PALM2AKAP2: variants seen among roughly 807,000 people sequenced by gnomAD.
PALM2AKAP2 encodes PALM2-AKAP2 fusion protein.
Under a neutral mutation model 71.5 loss-of-function variants are expected in PALM2AKAP2, and 37 were observed. That is an observed-to-expected ratio of 0.52 (90% CI 0.40 to 0.68). The LOEUF is 0.68. PALM2AKAP2 is among the 30% of genes least tolerant of loss of function. The probability of loss-of-function intolerance (pLI) is 0.00; values close to 1 mark genes in which losing one functional copy is unlikely to be tolerated. For missense variants in PALM2AKAP2, 1,224 were observed against 1,191.8 expected (o/e 1.03, Z -0.40); for synonymous variants, 468 against 478.8 (o/e 0.98, Z 0.29).
intron 1 of PALM2AKAP2, among the ~76,000 whole-genome samples, chr9:109,837,252 T>G (rs1236933856): frequency 6.6e-6 from 1 of 152,164 alleles, no homozygotes; most frequent in Admixed American, 6.5e-5. Flanking sequence ...GAATTTTCAA[T>G]GCAGAATTTC....
At chr9:109,967,725 G>A (rs1403410271) in intron 6 of PALM2AKAP2, among the ~76,000 whole-genome samples, 1 of 152,192 alleles carries the variant, frequency 6.6e-6, no homozygotes, top group Non-Finnish European at 1.5e-5. Flanking sequence ...TCCATGTCTT[G>A]AAGGGAGAAG....
rs146910066 is a variant in PALM2AKAP2 at position 109,782,699 on chromosome 9, C to T, written c.45+2166C>T. ...ATTCTCTGAGGATACTGAGGGATGA[C>T]TGTATGATGTTGTCAGGACAGATTT... On this transcript the variant is annotated intron_variant, in intron 1 of 9. Transcript: ENST00000302798. Among the ~76,000 whole-genome samples, 57 of 151,508 alleles carry T rather than the reference C, an allele frequency of 3.8e-4. No individual in the cohort carries two copies. The East Asian group carries it at 0.011, about 29-fold the overall frequency.
chr9:110,162,862 C>G (rs1481747592), intron 3 of PALM2AKAP2, among the ~76,000 whole-genome samples: 4 of 151,848 alleles, frequency 2.6e-5, no homozygotes, highest in Non-Finnish European at 5.9e-5. Context: ...GCCACTATGC[C>G]CAGCTAATTT....
chr9:110,110,586 A>T (rs577642595), intron 1 of PALM2AKAP2, among the ~76,000 whole-genome samples: 1 of 128,912 alleles, frequency 7.8e-6, no homozygotes, highest in African/African-American at 3.0e-5. Flanking sequence ...TCTCACTATC[A>T]TCCAACCTGG....
chr9:109,896,994 A>G (rs960349507), intron 3 of PALM2AKAP2, among the ~76,000 whole-genome samples: 11 of 152,170 alleles, frequency 7.2e-5, no homozygotes, highest in Admixed American at 4.6e-4. Flanking sequence ...CTTTTTAGAT[A>G]TGAATCCCAT....
chr9:109,652,478 T>C (rs75903018), intron 1 of PALM2AKAP2, among the ~76,000 whole-genome samples: 6,243 of 152,342 alleles, frequency 0.041, 157 homozygotes, highest in Middle Eastern at 0.071. Flanking sequence ...GCTGGTGTTA[T>C]GCTTCTTGAA....
intron 6 of PALM2AKAP2, among the ~76,000 whole-genome samples, chr9:109,987,847 A>G (rs923218101): frequency 6.6e-6 from 1 of 152,252 alleles, no homozygotes; most frequent in Admixed American, 6.5e-5. Flanking sequence ...CACAGATATG[A>G]CAATGTTCAG....
At chr9:109,826,947 G>A (rs1274025997) in intron 1 of PALM2AKAP2, among the ~76,000 whole-genome samples, 1 of 152,118 alleles carries the variant, frequency 6.6e-6, no homozygotes, top group Non-Finnish European at 1.5e-5. Flanking sequence ...ATTATGAAAT[G>A]AGATAAAAAT....
At chr9:110,123,042 T>A (rs1354147371) in intron 1 of PALM2AKAP2, among the ~76,000 whole-genome samples, 1 of 152,238 alleles carries the variant, frequency 6.6e-6, no homozygotes, top group East Asian at 1.9e-4. Context: ...AGTACCTAAC[T>A]GTGACTTTGC....
At chr9:109,753,227 C>A (rs1015142132) in intron 1 of PALM2AKAP2, among the ~76,000 whole-genome samples, 2 of 152,106 alleles carry the variant, frequency 1.3e-5, no homozygotes, top group Non-Finnish European at 2.9e-5. Context: ...GAAGTTCCCA[C>A]CCAAGTTGAG....
chr9:110,123,654 T>C (rs1700299823), intron 1 of PALM2AKAP2, among the ~76,000 whole-genome samples: 1 of 152,224 alleles, frequency 6.6e-6, no homozygotes, highest in South Asian at 2.1e-4. Context: ...AGACACCAGG[T>C]CATTTGCAAA....
intron 1 of PALM2AKAP2, among the ~76,000 whole-genome samples, chr9:109,688,320 G>A (rs1827831809): frequency 6.6e-6 from 1 of 152,198 alleles, no homozygotes; most frequent in South Asian, 2.1e-4. Flanking sequence ...TATGTATCTT[G>A]TTGCAAATGA....
rs750861903 is a variant in PALM2AKAP2, at chr9:109,661,235, GC to G, written c.5+20372del. On this transcript the variant is annotated intron_variant, in intron 1 of 6. Transcript: ENST00000374531. The stretch of plus-strand genomic sequence containing the variant: ...TTGGTGCTTTAGACATGAAGTCCTT[GC>G]CCATGCCTATGTCCTGAATGGTATT... Among the ~76,000 whole-genome samples, 145 of 152,130 alleles carry G rather than the reference GC, an allele frequency of 9.5e-4. 1 individual carries two copies. Among genetic ancestry groups the G allele is most frequent in the Admixed American group, 4.8e-3 (73 of 15,272 alleles).
Position 110,068,520 on chromosome 9 carries a change from A to T in PALM2AKAP2, c.156+19665A>T, listed in dbSNP as rs1359618053. On this transcript the variant is annotated intron_variant, in intron 1 of 3. Coordinates refer to ENST00000374525, the Ensembl canonical transcript of PALM2AKAP2. ...TGAGGGCAAAATTGGAGCTTTTTTA[A>T]AAAAAAAAAAAAATTTAATTTTTTT... Among the ~76,000 whole-genome samples the T allele has an allele frequency of 5.1e-4, 73 of 143,860 alleles. 4 individuals are homozygous for T. Among genetic ancestry groups the T allele is most frequent in the Middle Eastern group, 7.5e-3 (2 of 268 alleles). The allele number at this position is 143,860 out of a possible 152,430, so 94.4% of individuals were successfully genotyped here.
chr9:109,701,746 GA>G (rs1283944327), intron 1 of PALM2AKAP2, among the ~76,000 whole-genome samples: 1 of 152,284 alleles, frequency 6.6e-6, no homozygotes, highest in East Asian at 1.9e-4. Context: ...TGACAAATGG[GA>G]TCTAATTAAA....
chr9:110,163,645 A>G (rs1403739518), intron 3 of PALM2AKAP2, among the ~76,000 whole-genome samples: 2 of 152,210 alleles, frequency 1.3e-5, no homozygotes, highest in African/African-American at 4.8e-5. Flanking sequence ...ATGTTGCAGT[A>G]TCTTCTGCTC....
chr9:110,014,261 TA>T (rs1832931508), intron 6 of PALM2AKAP2, among the ~76,000 whole-genome samples: 1 of 152,166 alleles, frequency 6.6e-6, no homozygotes. Context: ...GGAAAATCAA[TA>T]ATGTAAACAA....
chr9:110,038,649 T>A (rs114048962), intron 7 of PALM2AKAP2, among the ~76,000 whole-genome samples: 1 of 151,832 alleles, frequency 6.6e-6, no homozygotes, highest in Non-Finnish European at 1.5e-5. Flanking sequence ...CTTAAAAAAA[T>A]TATTGTAGGC....
intron 1 of PALM2AKAP2, among the ~76,000 whole-genome samples, chr9:109,655,872 T>C (rs1827297849): frequency 6.6e-6 from 1 of 152,216 alleles, no homozygotes; most frequent in African/African-American, 2.4e-5. Flanking sequence ...CTTTTGGGTA[T>C]CATGAATAGT....
Sources: gnomAD v4.1 joint callset for allele counts (sites outside exome capture counted in the v4.1 genomes callset) on GRCh38, gnomAD v4.1.1 for gene constraint, MANE v1.5 for transcripts, NCBI Gene and HGNC (gene_info 2026-07-23, HGNC 2026-07-21) for gene names.